KATNAL2: variants seen among roughly 807,000 people sequenced by gnomAD.
KATNAL2 encodes the protein katanin p60 ATPase-containing subunit A-like 2.
Under a neutral mutation model 76.3 loss-of-function variants are expected in KATNAL2, and 52 were observed. The observed-to-expected ratio is 0.68, with a 90% confidence interval of 0.55 to 0.86. The LOEUF (loss-of-function observed/expected upper bound fraction) is 0.86. Among genes scored for constraint, KATNAL2 ranks in the 40% least tolerant of loss-of-function variants. The pLI, the probability that KATNAL2 is intolerant of heterozygous loss-of-function variation, is 0.00. For missense variants in KATNAL2, 660 were observed against 668.9 expected, an observed-to-expected ratio of 0.99 and a Z score of 0.15; for synonymous variants, 243 against 244.2, an observed-to-expected ratio of 1.00 and a Z score of 0.05.
chr18:47,050,406 C>T (rs1238429734), intron 4 of KATNAL2, among the ~76,000 whole-genome samples: 1 of 152,112 alleles, frequency 6.6e-6, no homozygotes, highest in Non-Finnish European at 1.5e-5. Flanking sequence ...GAAGACAATG[C>T]CATTTTCACA....
At chr18:47,040,495 G>C (rs2060925887) in intron 3 of KATNAL2, among the ~76,000 whole-genome samples, 1 of 152,096 alleles carries the variant, frequency 6.6e-6, no homozygotes, top group South Asian at 2.1e-4. Flanking sequence ...AACTATTTGG[G>C]CTTTTCAGCA....
intron 3 of KATNAL2, among the ~76,000 whole-genome samples, chr18:47,043,825 A>C (rs2061057094): frequency 6.6e-6 from 1 of 152,048 alleles, no homozygotes; most frequent in African/African-American, 2.4e-5. Context: ...CATTTCAAAA[A>C]AAAAAAAAAT....
intron 9 of KATNAL2, 58 bp downstream of exon 9, chr18:47,063,128 GGAAATATAATTTT>G: frequency 6.6e-7 from 1 of 1,521,368 alleles, no homozygotes; most frequent in Non-Finnish European, 9.1e-7. Context: ...GATGAACTCT[GGAAATATAATTTT>G]GAGTACAGTG....
At chr18:47,059,725 A>G (rs1247579572) in intron 8 of KATNAL2, 71 bp downstream of exon 8, 1 of 1,121,866 alleles carries the variant, frequency 8.9e-7, no homozygotes, top group Non-Finnish European at 1.3e-6. Context: ...AAAACAAAAA[A>G]CATTATTTTT....
chr18:47,052,879 G>C lies in KATNAL2; in HGVS notation c.123-1G>C. 4 of 1,594,908 alleles carry C rather than the reference G, an allele frequency of 2.5e-6. No individual in the cohort carries two copies. The highest frequency in any genetic ancestry group is 3.4e-6 in the Non-Finnish European group (4 of 1,173,536). ...TTCTTTTTATTCTGTGAAACTGCCA[G>C]GTATATCGATACAGCAAATGCTTTG... On this transcript the variant is annotated splice_acceptor_variant, in intron 4 of 17. Transcript: ENST00000683218. LOFTEE classifies it high-confidence loss of function.
At chr18:47,078,287 G>T (rs2062336738) in intron 15 of KATNAL2, among the ~76,000 whole-genome samples, 1 of 152,040 alleles carries the variant, frequency 6.6e-6, no homozygotes, top group African/African-American at 2.4e-5. Flanking sequence ...AAACTCTTCT[G>T]TAGTGCATGC....
chr18:47,046,563 CT>C (rs1475043041), intron 4 of KATNAL2, 36 bp downstream of exon 4: 4 of 1,342,628 alleles, frequency 3.0e-6, no homozygotes, highest in Non-Finnish European at 4.1e-6. Flanking sequence ...GAGATGATTC[CT>C]CTTTCTCTGC....
At chr18:47,059,795 A>G (rs1020908228) in intron 8 of KATNAL2, 141 bp downstream of exon 8, 2 of 624,010 alleles carry the variant, frequency 3.2e-6, no homozygotes, top group Non-Finnish European at 5.7e-6. Flanking sequence ...AATGGAGAAG[A>G]GCGTCAGAAA....
rs74624853 is a variant in KATNAL2, at chr18:46,943,135, T to G, written c.-509-2922T>G. On this transcript the variant is annotated intron_variant, in intron 1 of 17. Transcript: ENST00000683218. Reference sequence around the variant, plus strand: ...AAGTTGTTCTTTCCGCGTTTTTTGATGTGTATGGTCTCATAGACTCTCATC... The same window carrying G: ...AAGTTGTTCTTTCCGCGTTTTTTGAGGTGTATGGTCTCATAGACTCTCATC... Among the ~76,000 whole-genome samples, 462 of 152,266 alleles carry G rather than the reference T, an allele frequency of 3.0e-3. 10 individuals carry two copies. In the East Asian group the frequency reaches 0.059, roughly 19 times the overall value.
chr18:46,930,959 C>T (rs2058891795), intron 1 of KATNAL2, among the ~76,000 whole-genome samples: 1 of 151,698 alleles, frequency 6.6e-6, no homozygotes, highest in African/African-American at 2.4e-5. Flanking sequence ...ACAAATTAGC[C>T]AGGCATGGTG....
intron 3 of KATNAL2, among the ~76,000 whole-genome samples, chr18:46,948,412 G>A (rs2059445742): frequency 6.7e-6 from 1 of 149,252 alleles, no homozygotes; most frequent in Non-Finnish European, 1.5e-5. Flanking sequence ...ATGCCTGGCC[G>A]ACTTCTTCTT....
rs2146410750 is a variant in KATNAL2, at chr18:46,917,609, G to A, written c.-827G>A. On this transcript the variant is annotated 5_prime_UTR_variant, in exon 1 of 18. Coordinates refer to ENST00000683218, the MANE Select transcript of KATNAL2 (RefSeq NM_001387690.1). ...CCTTCCGCCCGCGCCTTCAGTCCGC[G>A]CGGCGACAGCGCCCGCCCGCGCCTG... The A allele has an allele frequency of 1.0e-6, 1 of 983,468 alleles. No individual in the cohort carries two copies. The allele number at this position is 983,468 out of a possible 1,614,324, so 60.9% of individuals were successfully genotyped here.
chr18:47,046,053 A>G (rs571736174), intron 3 of KATNAL2, among the ~76,000 whole-genome samples: 33 of 152,234 alleles, frequency 2.2e-4, no homozygotes, highest in Non-Finnish European at 3.7e-4. Context: ...CAGATATGGT[A>G]GCAGGTAAGT....
intron 2 of KATNAL2, 133 bp from the exon 3 acceptor site, chr18:46,946,721 A>C: frequency 3.6e-6 from 4 of 1,100,370 alleles, no homozygotes; most frequent in Non-Finnish European, 5.2e-6. Flanking sequence ...ATGTTAAAGA[A>C]TCCTTCTGTG....
intron 10 of KATNAL2, among the ~76,000 whole-genome samples, 196 bp from the exon 11 acceptor site, chr18:47,066,825 A>AAATTAC (rs940000936): frequency 7.6e-6 from 1 of 132,088 alleles, no homozygotes; most frequent in Admixed American, 7.8e-5. Context: ...AACTAACCCA[A>AAATTAC]AATTACAATG....
chr18:46,922,573 C>T (rs930224752), intron 1 of KATNAL2, among the ~76,000 whole-genome samples: 8 of 151,806 alleles, frequency 5.3e-5, no homozygotes, highest in African/African-American at 1.7e-4. Context: ...GTGGGTGGAT[C>T]GCCTGAGGTC....
intron 3 of KATNAL2, among the ~76,000 whole-genome samples, chr18:46,958,517 G>A (rs953525310): frequency 5.9e-5 from 9 of 152,106 alleles, no homozygotes; most frequent in Admixed American, 2.6e-4. Context: ...TGTTCTGCCT[G>A]TCTGGAGAGC....
intron 6 of KATNAL2, among the ~76,000 whole-genome samples, chr18:47,055,059 T>C (rs2061433624): frequency 6.6e-6 from 1 of 152,260 alleles, no homozygotes; most frequent in African/African-American, 2.4e-5. Flanking sequence ...GGAGCCCCTC[T>C]GTCTCTGGAC....
chr18:47,099,130 A>T, intron 15 of KATNAL2, 113 bp from the exon 16 acceptor site: 1 of 996,220 alleles, frequency 1.0e-6, no homozygotes, highest in Non-Finnish European at 1.5e-6. Flanking sequence ...ATGTAGAGTG[A>T]CAGTTAAAAT....
Sources: gnomAD v4.1 joint callset for allele counts (sites outside exome capture counted in the v4.1 genomes callset) on GRCh38, gnomAD v4.1.1 for gene constraint, MANE v1.5 for transcripts, NCBI Gene and HGNC (gene_info 2026-07-23, HGNC 2026-07-21) for gene names.